The following AUTS2 variants were observed in gnomAD, a reference collection of about 807,000 sequenced individuals.
AUTS2 encodes the protein autism susceptibility gene 2 protein.
In AUTS2, 17 loss-of-function variants were observed where a neutral mutation model predicts 112.4. The observed-to-expected ratio is 0.15, with a 90% CI of 0.10 to 0.23. AUTS2 has a LOEUF of 0.23. AUTS2 is among the 10% of genes least tolerant of loss of function. The pLI, the probability that AUTS2 is intolerant of heterozygous loss-of-function variation, is 1.00. For missense variants in AUTS2, 1,510 were observed against 1,701.6 expected, an observed-to-expected ratio of 0.89 and a Z score of 1.98; for synonymous variants, 751 against 702.7, an observed-to-expected ratio of 1.07 and a Z score of -1.09.
intron 6 of AUTS2, among the ~76,000 whole-genome samples, chr7:70,739,090 G>A (rs1787951405): frequency 7.8e-6 from 1 of 127,654 alleles, no homozygotes; most frequent in African/African-American, 3.0e-5. Flanking sequence ...CGGTGTTGCT[G>A]TCATAGCTCA....
At chr7:70,288,013 TA>T (rs1197395424) in intron 4 of AUTS2, among the ~76,000 whole-genome samples, 2 of 152,132 alleles carry the variant, frequency 1.3e-5, no homozygotes, top group African/African-American at 2.4e-5. Context: ...TTTTGCTTTT[TA>T]GCTGAATAGT....
intron 1 of AUTS2, among the ~76,000 whole-genome samples, chr7:69,830,623 A>G (rs1791457929): frequency 6.6e-6 from 1 of 152,200 alleles, no homozygotes; most frequent in African/African-American, 2.4e-5. Context: ...GGATTTCATT[A>G]TAACTGAGGA....
chr7:70,607,696 A>G (rs1803858825), intron 5 of AUTS2, among the ~76,000 whole-genome samples: 3 of 152,226 alleles, frequency 2.0e-5, no homozygotes, highest in South Asian at 2.1e-4. Context: ...GCACATGTTC[A>G]TGTTGATGTT....
intron 1 of AUTS2, among the ~76,000 whole-genome samples, chr7:69,734,899 A>G (rs1397838823): frequency 1.3e-5 from 2 of 152,150 alleles, no homozygotes; most frequent in African/African-American, 4.8e-5. Context: ...CCCCTGCCCC[A>G]TTCTCAATGT....
chr7:70,187,670 G>T (rs1316318749), intron 4 of AUTS2, among the ~76,000 whole-genome samples: 1 of 151,822 alleles, frequency 6.6e-6, no homozygotes, highest in Non-Finnish European at 1.5e-5. Context: ...TGGCTTCTTG[G>T]CATAATTTTC....
intron 1 of AUTS2, among the ~76,000 whole-genome samples, chr7:69,869,176 G>C (rs1170997752): frequency 6.6e-6 from 1 of 152,140 alleles, no homozygotes; most frequent in Non-Finnish European, 1.5e-5. Context: ...CTGCACAACC[G>C]TAGGGAGAAA....
intron 2 of AUTS2, among the ~76,000 whole-genome samples, chr7:69,965,668 G>A (rs2129547410): frequency 6.6e-6 from 1 of 152,220 alleles, no homozygotes; most frequent in East Asian, 1.9e-4. Flanking sequence ...AAAGATTTCA[G>A]GGAATTGAGA....
intron 1 of AUTS2, among the ~76,000 whole-genome samples, chr7:69,711,482 GAGATACAT>G (rs1488172813): frequency 6.6e-6 from 1 of 152,076 alleles, no homozygotes; most frequent in Non-Finnish European, 1.5e-5. Context: ...AGAATTATTA[GAGATACAT>G]TTTTCTTGGG....
At position 70,479,033 on chromosome 7, in the gene AUTS2, CT is replaced by C. The variant is rs58971469; in HGVS notation, c.690+43263del. On this transcript the variant is annotated intron_variant, in intron 5 of 18. Transcript: ENST00000342771. Reference sequence around the variant, plus strand: ...AGAGAAAATTTAATTACCCAGTCTACTTTTTTTTTTTCTATCTCAGTAGTTA... The same window carrying C: ...AGAGAAAATTTAATTACCCAGTCTACTTTTTTTTTTCTATCTCAGTAGTTA... Among the ~76,000 whole-genome samples, 2,699 of 146,266 alleles carry C rather than the reference CT, an allele frequency of 0.018. 191 individuals are homozygous for C. The East Asian group carries it at 0.26, about 14-fold the overall frequency.
At chr7:70,786,180 C>G in intron 17 of AUTS2, 142 bp downstream of exon 17, 1 of 691,448 alleles carries the variant, frequency 1.4e-6, no homozygotes, top group South Asian at 1.9e-5. Context: ...AGCAGGCCTT[C>G]ACAGTGGGGT....
chr7:70,195,769 A>AT (rs1420066812), intron 4 of AUTS2, among the ~76,000 whole-genome samples: 1 of 152,068 alleles, frequency 6.6e-6, no homozygotes, highest in Non-Finnish European at 1.5e-5. Context: ...AGAAATCATC[A>AT]TTTTCCTATC....
At chr7:70,043,387 A>G (rs1317686374) in intron 2 of AUTS2, among the ~76,000 whole-genome samples, 1 of 152,158 alleles carries the variant, frequency 6.6e-6, no homozygotes, top group African/African-American at 2.4e-5. Flanking sequence ...CAGATTTCAT[A>G]AGGCTGCTTC....
At chr7:70,472,837 G>A (rs931047914) in intron 5 of AUTS2, among the ~76,000 whole-genome samples, 5 of 152,162 alleles carry the variant, frequency 3.3e-5, no homozygotes, top group African/African-American at 1.2e-4. Flanking sequence ...CTTGTTTCAC[G>A]TTAAGTTTAA....
At chr7:69,613,805 A>G (rs56661227) in intron 1 of AUTS2, among the ~76,000 whole-genome samples, 2,969 of 152,282 alleles carry the variant, frequency 0.019, 95 homozygotes, top group African/African-American at 0.064. Flanking sequence ...TTTAAAATCT[A>G]TTAGGAACTC....
intron 1 of AUTS2, among the ~76,000 whole-genome samples, chr7:69,602,038 ATATGTGTG>A (rs1362750927): frequency 8.0e-4 from 8 of 10,046 alleles, no homozygotes; most frequent in Non-Finnish European, 1.5e-3. Context: ...ATATATATAT[ATATGTGTG>A]TGTGTGTGTG....
At chr7:69,691,425 C>A (rs749353988) in intron 1 of AUTS2, among the ~76,000 whole-genome samples, 1 of 152,152 alleles carries the variant, frequency 6.6e-6, no homozygotes, top group Non-Finnish European at 1.5e-5. Flanking sequence ...GCACCCACCC[C>A]CATCCTCCAC....
At chr7:70,678,468 A>C (rs996432006) in intron 5 of AUTS2, among the ~76,000 whole-genome samples, 1 of 152,234 alleles carries the variant, frequency 6.6e-6, no homozygotes, top group African/African-American at 2.4e-5. Flanking sequence ...AATAATAACA[A>C]GAATCATAAT....
intron 2 of AUTS2, among the ~76,000 whole-genome samples, chr7:70,026,980 T>TTA (rs1237820003): frequency 1.3e-5 from 2 of 152,092 alleles, no homozygotes; most frequent in South Asian, 4.1e-4. Context: ...CAAAATCATT[T>TTA]TTTTTTTTAC....
In AUTS2 at chr7:69,825,537, G is replaced by A. The variant is rs150828398; in HGVS notation, c.310-73749G>A. On this transcript the variant is annotated intron_variant, in intron 1 of 18. Transcript: ENST00000342771. ...GCTGATTTTGACAATGGAGCCATGCGGTTGTATTTGGGTAGCGGTTTGGAG... is the reference window on the plus strand; with the variant it reads ...GCTGATTTTGACAATGGAGCCATGCAGTTGTATTTGGGTAGCGGTTTGGAG... Among the ~76,000 whole-genome samples the A allele has an allele frequency of 9.1e-4, 139 of 152,192 alleles. 1 individual carries two copies. Among genetic ancestry groups the A allele is most frequent in the African/African-American group, 2.8e-3 (118 of 41,496 alleles).
Sources: gnomAD v4.1 joint callset for allele counts (sites outside exome capture counted in the v4.1 genomes callset) on GRCh38, gnomAD v4.1.1 for gene constraint, MANE v1.5 for transcripts, NCBI Gene and HGNC (gene_info 2026-07-23, HGNC 2026-07-21) for gene names.